The following CSMD1 variants were observed in gnomAD, a reference collection of about 807,000 sequenced individuals.
CSMD1 encodes CUB and sushi domain-containing protein 1.
A neutral mutation model predicts 417.5 loss-of-function variants in CSMD1; 213 were observed. The observed-to-expected ratio is 0.51, with a 90% CI of 0.46 to 0.57. CSMD1 has a LOEUF of 0.57. Among genes scored for constraint, CSMD1 ranks in the 20% least tolerant of loss-of-function variants. The probability of loss-of-function intolerance (pLI) is 0.00; values close to 1 mark genes in which losing one functional copy is unlikely to be tolerated. For synonymous variants in CSMD1, 2,862 were observed against 1,736.8 expected, an observed-to-expected ratio of 1.65 and a Z score of -16.11; for missense variants, 6,923 against 4,529.7, an observed-to-expected ratio of 1.53 and a Z score of -15.17.
intron 49 of CSMD1, among the ~76,000 whole-genome samples, chr8:3,085,268 CA>C (rs1298276438): frequency 6.6e-6 from 1 of 151,972 alleles, no homozygotes; most frequent in African/African-American, 2.4e-5. Flanking sequence ...GTTTAAAGGT[CA>C]AAATGCATGA....
chr8:4,458,851 G>T (rs1486717096), intron 2 of CSMD1, among the ~76,000 whole-genome samples: 1 of 152,162 alleles, frequency 6.6e-6, no homozygotes, highest in African/African-American at 2.4e-5. Flanking sequence ...ACTGAGGCAA[G>T]CGTAGCACTG....
intron 3 of CSMD1, among the ~76,000 whole-genome samples, chr8:4,404,765 A>C (rs2128930886): frequency 6.6e-6 from 1 of 152,210 alleles, no homozygotes; most frequent in South Asian, 2.1e-4. Context: ...TATAAATGAA[A>C]GTTGAATAGC....
chr8:3,150,674 G>A (rs940261387), intron 40 of CSMD1, among the ~76,000 whole-genome samples: 2 of 152,168 alleles, frequency 1.3e-5, no homozygotes, highest in Non-Finnish European at 1.5e-5. Flanking sequence ...TACCTAACTT[G>A]GTCTACCTAA....
At chr8:4,109,025 A>T (rs916888081) in intron 3 of CSMD1, among the ~76,000 whole-genome samples, 2 of 152,322 alleles carry the variant, frequency 1.3e-5, no homozygotes, top group Admixed American at 6.5e-5. Context: ...ATGGATACAA[A>T]TATCTACAGA....
intron 50 of CSMD1, among the ~76,000 whole-genome samples, chr8:3,050,517 T>C (rs948389944): frequency 1.3e-5 from 2 of 152,222 alleles, no homozygotes; most frequent in African/African-American, 4.8e-5. Context: ...ATATACATAT[T>C]GCCATCTGTT....
intron 50 of CSMD1, among the ~76,000 whole-genome samples, chr8:3,033,269 G>T (rs10097708): frequency 0.034 from 5,186 of 152,084 alleles, 306 homozygotes; most frequent in African/African-American, 0.12. Context: ...ACCATTGATT[G>T]AATAAACAAT....
chr8:4,213,459 C>A (rs899067575), intron 3 of CSMD1, among the ~76,000 whole-genome samples: 2 of 152,264 alleles, frequency 1.3e-5, no homozygotes, highest in East Asian at 3.9e-4. Context: ...GAACAGTTGC[C>A]CGGATACTGG....
At chr8:4,982,068 T>C (rs1328108901) in intron 1 of CSMD1, among the ~76,000 whole-genome samples, 3 of 152,110 alleles carry the variant, frequency 2.0e-5, no homozygotes, top group Non-Finnish European at 1.5e-5. Flanking sequence ...CCAACTATCT[T>C]AGAAGTGGAT....
At chr8:3,331,237 C>CAA (rs112278319) in intron 23 of CSMD1, among the ~76,000 whole-genome samples, 1,452 of 128,500 alleles carry the variant, frequency 0.011, 65 homozygotes, top group Admixed American at 0.072. Context: ...GACTCCGTCT[C>CAA]AAAAAAAAAA....
At position 4,713,187 on chromosome 8, in the gene CSMD1, T is replaced by C. The variant is rs149193411; in HGVS notation, c.86-75629A>G. ...CCGGGTGGGGAAACACATTAAATCA[T>C]TATCAACCATTAACACTTTAGACCA... is the stretch of plus-strand genomic sequence containing the variant. On this transcript the variant is annotated intron_variant, in intron 1 of 69. Coordinates refer to ENST00000635120, the MANE Select transcript of CSMD1 (RefSeq NM_033225.6). Among the ~76,000 whole-genome samples, 1,030 of 152,308 alleles carry C rather than the reference T, an allele frequency of 6.8e-3. 9 individuals are homozygous for C. The highest frequency in any genetic ancestry group is 0.027 in the Middle Eastern group (8 of 294).
intron 50 of CSMD1, among the ~76,000 whole-genome samples, chr8:3,032,730 C>T (rs1372181111): frequency 6.6e-6 from 1 of 152,014 alleles, no homozygotes; most frequent in Admixed American, 6.6e-5. Context: ...CACTCAACCC[C>T]CCCAACTCCC....
In CSMD1 at chr8:3,796,116, C is replaced by G. The variant is rs868174857; in HGVS notation, c.819-42074G>C. Among the ~76,000 whole-genome samples the G allele has an allele frequency of 2.8e-3, 23 of 8,292 alleles. 1 individual carries two copies. The highest frequency in any genetic ancestry group is 7.2e-3 in the African/African-American group (22 of 3,054). The allele number at this position is 8,292 out of a possible 152,430, so 5.4% of individuals were successfully genotyped here. A position where few individuals can be genotyped will look rare whatever the true frequency, so the allele number is the denominator to read the frequency against. ...ATCATAGATATAGATATATATCTAT[C>G]ATAGATATAGATATATATCTATCAT... On this transcript the variant is annotated intron_variant, in intron 5 of 69. Transcript: ENST00000635120.
rs945004676 is a variant in CSMD1, at chr8:4,438,639, G to A, written c.303-18574C>T. Among the ~76,000 whole-genome samples, 4 of 152,300 alleles carry A rather than the reference G, an allele frequency of 2.6e-5. No homozygotes were observed. The East Asian group carries it at 7.7e-4, about 29-fold the overall frequency. Reference sequence around the variant, plus strand: ...TTATTTTATACCTACATTATCCCATGGAGTAGTATTTACTTGGAATTCCTG... The same window carrying A: ...TTATTTTATACCTACATTATCCCATAGAGTAGTATTTACTTGGAATTCCTG... On this transcript the variant is annotated intron_variant, in intron 2 of 69. Transcript: ENST00000635120.
chr8:4,006,888 C>A (rs1021648653), intron 4 of CSMD1, among the ~76,000 whole-genome samples: 1 of 125,104 alleles, frequency 8.0e-6, no homozygotes, highest in Admixed American at 1.0e-4. Flanking sequence ...AGTGCAGTGG[C>A]GTGATCTCGG....
intron 1 of CSMD1, among the ~76,000 whole-genome samples, chr8:4,746,342 G>A (rs541453720): frequency 6.6e-6 from 1 of 152,188 alleles, no homozygotes; most frequent in East Asian, 1.9e-4. Context: ...ACTTTGGCAG[G>A]GGTTCAAGGG....
chr8:4,510,498 A>G (rs761032677), intron 2 of CSMD1, among the ~76,000 whole-genome samples: 1 of 150,518 alleles, frequency 6.6e-6, no homozygotes, highest in Non-Finnish European at 1.5e-5. Context: ...ACCTCAGATA[A>G]TAATTAGCTT....
intron 2 of CSMD1, among the ~76,000 whole-genome samples, chr8:4,504,082 T>C (rs1367492330): frequency 6.6e-6 from 1 of 152,086 alleles, no homozygotes; most frequent in African/African-American, 2.4e-5. Flanking sequence ...AAAATCCTAC[T>C]ATGTCCACTG....
At chr8:4,216,750 A>G (rs1461407291) in intron 3 of CSMD1, among the ~76,000 whole-genome samples, 1 of 152,196 alleles carries the variant, frequency 6.6e-6, no homozygotes. Flanking sequence ...AAGACCTTTA[A>G]AATTACCATT....
chr8:4,661,109 A>G (rs1804571623), intron 1 of CSMD1, among the ~76,000 whole-genome samples: 1 of 152,212 alleles, frequency 6.6e-6, no homozygotes, highest in Admixed American at 6.5e-5. Flanking sequence ...TACCAATTGT[A>G]CTACTAGGCA....
Sources: allele counts gnomAD v4.1 joint callset (sites outside exome capture counted in the v4.1 genomes callset), GRCh38; gene constraint gnomAD v4.1.1; transcripts MANE v1.5; gene names NCBI Gene and HGNC (gene_info 2026-07-23, HGNC 2026-07-21).